The following HECW1 variants were observed in gnomAD, a reference collection of about 807,000 sequenced individuals.
HECW1 encodes the protein E3 ubiquitin-protein ligase HECW1.
Under a neutral mutation model 182.3 loss-of-function variants are expected in HECW1, and 61 were observed. That is an observed-to-expected ratio of 0.33 (90% CI 0.27 to 0.41). HECW1 has a LOEUF of 0.41. HECW1 is among the 10% of genes least tolerant of loss of function. The pLI is 1.00. For missense variants in HECW1, 1,739 were observed against 2,108.9 expected (o/e 0.82, Z 3.44); for synonymous variants, 859 against 832.6 (o/e 1.03, Z -0.55).
In HECW1 at chr7:43,351,300, T is replaced by A. The variant is rs78679094; in HGVS notation, c.461-9586T>A. On this transcript the variant is annotated intron_variant, in intron 5 of 29. Transcript: ENST00000395891. The stretch of plus-strand genomic sequence containing the variant: ...GGTGCAATGGACTCCATAGGGGTCC[T>A]TGGCTTTGGTTGTTCAATGCTCTAT... Among the ~76,000 whole-genome samples the A allele has an allele frequency of 4.5e-3, 685 of 152,314 alleles. 6 individuals are homozygous for A. Among genetic ancestry groups the A allele is most frequent in the Admixed American group, 0.032 (484 of 15,302 alleles).
chr7:43,289,638 T>C (rs10262152), intron 3 of HECW1, among the ~76,000 whole-genome samples: 58,729 of 151,884 alleles, frequency 0.39, 16,177 homozygotes, highest in African/African-American at 0.79. Context: ...ATAGGTGGTC[T>C]TATTAACAGA....
At chr7:43,554,821 C>T (rs1198271027) in intron 29 of HECW1, 31 bp downstream of exon 29, 1 of 1,594,290 alleles carries the variant, frequency 6.3e-7, no homozygotes, top group Non-Finnish European at 8.6e-7. Context: ...TTCGGGGAAA[C>T]CTGCTGAAGA....
At chr7:43,215,204 T>G (rs1442829768) in intron 2 of HECW1, among the ~76,000 whole-genome samples, 2 of 152,264 alleles carry the variant, frequency 1.3e-5, no homozygotes, top group Non-Finnish European at 2.9e-5. Context: ...CTAGTCAGAA[T>G]GCACACTGCC....
At chr7:43,264,307 G>C (rs924362926) in intron 3 of HECW1, among the ~76,000 whole-genome samples, 1 of 151,998 alleles carries the variant, frequency 6.6e-6, no homozygotes, top group Non-Finnish European at 1.5e-5. Flanking sequence ...GACTTTTTTA[G>C]ATTCCACATA....
intron 3 of HECW1, among the ~76,000 whole-genome samples, chr7:43,246,398 C>G (rs1469768648): frequency 6.6e-6 from 1 of 152,194 alleles, no homozygotes; most frequent in Non-Finnish European, 1.5e-5. Flanking sequence ...ATGCTTATCT[C>G]TGGGAGAGGC....
intron 2 of HECW1, among the ~76,000 whole-genome samples, chr7:43,176,898 G>A (rs1792310746): frequency 6.6e-6 from 1 of 152,164 alleles, no homozygotes; most frequent in East Asian, 1.9e-4. Context: ...CACCTGCATT[G>A]CAATTACGAA....
At chr7:43,269,437 C>G (rs1203607781) in intron 3 of HECW1, among the ~76,000 whole-genome samples, 1 of 152,226 alleles carries the variant, frequency 6.6e-6, no homozygotes, top group Non-Finnish European at 1.5e-5. Flanking sequence ...GGGTGCCCCT[C>G]AAATGCACGC....
At chr7:43,152,498 C>G (rs1789445203) in intron 2 of HECW1, among the ~76,000 whole-genome samples, 1 of 152,076 alleles carries the variant, frequency 6.6e-6, no homozygotes, top group Non-Finnish European at 1.5e-5. Context: ...CATTATATTG[C>G]TCTTTATTCT....
chr7:43,401,576 T>TTTTTG (rs1554400201), intron 7 of HECW1, among the ~76,000 whole-genome samples: 1 of 131,304 alleles, frequency 7.6e-6, no homozygotes, highest in South Asian at 2.4e-4. Context: ...GGTTTTTTTT[T>TTTTTG]TTTTTTTTTT....
intron 8 of HECW1, among the ~76,000 whole-genome samples, chr7:43,415,671 A>C (rs1477153739): frequency 1.4e-5 from 2 of 145,622 alleles, no homozygotes; most frequent in Non-Finnish European, 3.0e-5. Flanking sequence ...TACACCAATC[A>C]GACGTAGATT....
intron 3 of HECW1, among the ~76,000 whole-genome samples, chr7:43,309,319 G>T (rs187910201): frequency 1.3e-5 from 2 of 152,212 alleles, no homozygotes; most frequent in East Asian, 3.9e-4. Flanking sequence ...GGGGTGCAAG[G>T]GACGGCTTTG....
At chr7:43,538,348 G>T (rs1484528464) in intron 24 of HECW1, among the ~76,000 whole-genome samples, 1 of 152,178 alleles carries the variant, frequency 6.6e-6, no homozygotes, top group African/African-American at 2.4e-5. Flanking sequence ...TACCACTGTG[G>T]CCTTAGAGGG....
chr7:43,133,730 C>A (rs929787162), intron 2 of HECW1, among the ~76,000 whole-genome samples: 2 of 151,884 alleles, frequency 1.3e-5, no homozygotes, highest in African/African-American at 4.8e-5. Flanking sequence ...TTTTTTAACT[C>A]AAGAACTAAT....
intron 5 of HECW1, among the ~76,000 whole-genome samples, chr7:43,357,220 C>T (rs1337749014): frequency 2.0e-5 from 3 of 152,110 alleles, no homozygotes; most frequent in African/African-American, 7.2e-5. Context: ...AATTCCATTA[C>T]AGGGTATATA....
At chr7:43,291,265 C>T (rs752064158) in intron 3 of HECW1, among the ~76,000 whole-genome samples, 8 of 152,186 alleles carry the variant, frequency 5.3e-5, no homozygotes, top group African/African-American at 1.4e-4. Flanking sequence ...TTATCCTTTA[C>T]GCATTTGGAT....
At chr7:43,430,614 G>T (rs1243767406) in intron 8 of HECW1, among the ~76,000 whole-genome samples, 2 of 152,022 alleles carry the variant, frequency 1.3e-5, no homozygotes, top group African/African-American at 2.4e-5. Context: ...TAGCTGACTG[G>T]TTTAATTTTG....
intron 3 of HECW1, among the ~76,000 whole-genome samples, chr7:43,301,638 A>G (rs1242606574): frequency 6.6e-6 from 1 of 152,148 alleles, no homozygotes; most frequent in East Asian, 1.9e-4. Flanking sequence ...GCTCTTTGGG[A>G]GGTCAAGGTG....
intron 5 of HECW1, among the ~76,000 whole-genome samples, chr7:43,341,165 T>C (rs1812935607): frequency 6.6e-6 from 1 of 151,440 alleles, no homozygotes; most frequent in Non-Finnish European, 1.5e-5. Context: ...GTCATAGGGT[T>C]GGGGGGCAGG....
chr7:43,565,104 C>T lies in HECW1; in HGVS notation c.*3178C>T. On this transcript the variant is annotated 3_prime_UTR_variant, in exon 30 of 30. Coordinates refer to ENST00000395891, the MANE Select transcript of HECW1 (RefSeq NM_015052.5). ...TGTTATAATAATTTCATGGATATCA[C>T]AAATGTTTTATTCTACAGTGTGAAG... 1 of 196,632 alleles carries T rather than the reference C, an allele frequency of 5.1e-6. No individual in the cohort carries two copies. The highest frequency in any genetic ancestry group is 1.1e-5 in the Non-Finnish European group (1 of 94,914). The allele number at this position is 196,632 out of a possible 1,614,324, so 12.2% of individuals were successfully genotyped here.
Sources: allele counts gnomAD v4.1 joint callset (sites outside exome capture counted in the v4.1 genomes callset), GRCh38; gene constraint gnomAD v4.1.1; transcripts MANE v1.5; gene names NCBI Gene and HGNC (gene_info 2026-07-23, HGNC 2026-07-21).